CA5A: variants seen among roughly 807,000 people sequenced by gnomAD.
CA5A encodes the protein carbonic anhydrase 5A, also known as carbonic anhydrase 5A, mitochondrial.
CA5A carries 28 observed loss-of-function variants against 37.1 expected under a neutral mutation model. That is an observed-to-expected ratio of 0.75 (90% CI 0.56 to 1.03). The LOEUF is 1.03. Among genes scored for constraint, CA5A ranks in the 50% least tolerant of loss-of-function variants. CA5A has a pLI of 0.00. For missense variants in CA5A, 444 were observed against 399.9 expected (o/e 1.11, Z -0.94); for synonymous variants, 171 against 158.4 (o/e 1.08, Z -0.60).
chr16:87,903,500 T>C (rs143666161), intron 3 of CA5A, among the ~76,000 whole-genome samples: 6 of 152,304 alleles, frequency 3.9e-5, no homozygotes, highest in South Asian at 2.1e-4. Flanking sequence ...CAGATAGAGA[T>C]ACTAAAATAA....
At chr16:87,923,390 G>T (rs139170046) in intron 2 of CA5A, 84 of 214,420 alleles carry the variant, frequency 3.9e-4, no homozygotes, top group African/African-American at 1.8e-3. Context: ...GTTTCACCAT[G>T]TTGGCCAGGC....
chr16:87,921,582 T>G lies in CA5A; in HGVS notation c.340+5166A>C, dbSNP rs7202748. Among the ~76,000 whole-genome samples the G allele has an allele frequency of 1.5e-4, 22 of 151,458 alleles. No homozygotes were observed. The South Asian group carries it at 4.1e-3, about 28-fold the overall frequency. ...GCTGCAGCCAGTGACAGGGCTGTTCTGAGTGGCCACGCCCAGGTCCCCACC... is the reference window on the plus strand; with the variant it reads ...GCTGCAGCCAGTGACAGGGCTGTTCGGAGTGGCCACGCCCAGGTCCCCACC... On this transcript the variant is annotated intron_variant, in intron 2 of 6. Coordinates refer to ENST00000649794, the MANE Select transcript of CA5A (RefSeq NM_001739.2).
intron 2 of CA5A, among the ~76,000 whole-genome samples, chr16:87,926,221 T>TATGAA (rs1555523846): frequency 1.3e-5 from 2 of 150,490 alleles, no homozygotes; most frequent in Admixed American, 6.7e-5. Flanking sequence ...TCTGTCTCAA[T>TATGAA]ATAAAATAAA....
At chr16:87,922,739 G>C (rs1489084580) in intron 2 of CA5A, among the ~76,000 whole-genome samples, 4 of 152,230 alleles carry the variant, frequency 2.6e-5, no homozygotes, top group African/African-American at 9.7e-5. Context: ...CCAGGGTGCT[G>C]GTGCTTCCTT....
In CA5A at chr16:87,927,210, G is replaced by A. The variant is rs553063850; in HGVS notation, c.143-265C>T. On this transcript the variant is annotated intron_variant, in intron 1 of 6. Coordinates refer to ENST00000649794, the MANE Select transcript of CA5A (RefSeq NM_001739.2). ...CTGGGCCCATGCCACCTGTGTTGATGGGTTTTTGACTTTTGTGTTGCCCTC... is the reference window on the plus strand; with the variant it reads ...CTGGGCCCATGCCACCTGTGTTGATAGGTTTTTGACTTTTGTGTTGCCCTC... Among the ~76,000 whole-genome samples the A allele has an allele frequency of 7.2e-5, 11 of 152,374 alleles. No individual in the cohort carries two copies. In the South Asian group the frequency reaches 2.1e-3, roughly 29 times the overall value.
At chr16:87,895,358 C>T (rs2055786575) in intron 5 of CA5A, among the ~76,000 whole-genome samples, 1 of 152,160 alleles carries the variant, frequency 6.6e-6, no homozygotes, top group Admixed American at 6.5e-5. Context: ...CCAGCCTGAC[C>T]AACATGGCGA....
Position 87,907,610 on chromosome 16 carries a change from C to A in CA5A, c.341-2706G>T, listed in dbSNP as rs554626201. 9.8e-5 allele frequency among the ~76,000 whole-genome samples: 15 copies of A among 152,302 alleles called. No homozygotes were observed. The South Asian group carries it at 1.2e-3, about 13-fold the overall frequency. ...TTTGTAAGACTGAGTTAAGTCCCAT[C>A]CAGTTGCACTCTTAGAGCAGAGGCT... is the stretch of plus-strand genomic sequence containing the variant. On this transcript the variant is annotated intron_variant, in intron 2 of 6. Transcript: ENST00000649794.
At chr16:87,932,968 G>A (rs1014629264) in intron 1 of CA5A, among the ~76,000 whole-genome samples, 4 of 152,178 alleles carry the variant, frequency 2.6e-5, no homozygotes, top group East Asian at 1.9e-4. Context: ...CGCTGGCCTC[G>A]CCCTGTGAGT....
intron 5 of CA5A, among the ~76,000 whole-genome samples, chr16:87,897,256 G>C (rs1020659519): frequency 4.6e-5 from 7 of 152,294 alleles, no homozygotes; most frequent in African/African-American, 1.2e-4. Flanking sequence ...CTGTTGCGAA[G>C]GCAGGGAGGA....
At chr16:87,901,184 C>T (rs112241870) in intron 5 of CA5A, among the ~76,000 whole-genome samples, 6 of 152,280 alleles carry the variant, frequency 3.9e-5, no homozygotes, top group Admixed American at 3.3e-4. Context: ...GAGCCAAGAT[C>T]GCGCCACTGC....
chr16:87,925,843 C>CT (rs1248752946), intron 2 of CA5A, among the ~76,000 whole-genome samples: 1 of 151,630 alleles, frequency 6.6e-6, no homozygotes, highest in African/African-American at 2.4e-5. Context: ...CCACCTGCAT[C>CT]TCCCCGGACT....
At chr16:87,925,677 G>C (rs1424643405) in intron 2 of CA5A, 2 of 152,212 alleles carry the variant, frequency 1.3e-5, no homozygotes. Context: ...CCATACCTCA[G>C]AGCATCTGCC....
At chr16:87,921,748 C>A (rs4074725) in intron 2 of CA5A, among the ~76,000 whole-genome samples, 1 of 151,994 alleles carries the variant, frequency 6.6e-6, no homozygotes, top group Non-Finnish European at 1.5e-5. Context: ...CACGGACTGG[C>A]GGGATCAGCG....
chr16:87,928,793 GA>G (rs2056354486), intron 1 of CA5A, among the ~76,000 whole-genome samples: 1 of 127,008 alleles, frequency 7.9e-6, no homozygotes, highest in South Asian at 2.6e-4. Flanking sequence ...TTTTGAGACG[GA>G]GTCTCACTCG....
chr16:87,931,066 C>G (rs990982451), intron 1 of CA5A, among the ~76,000 whole-genome samples: 1 of 150,588 alleles, frequency 6.6e-6, no homozygotes, highest in African/African-American at 2.4e-5. Flanking sequence ...GATAGAAATA[C>G]AGATGTTCAG....
intron 2 of CA5A, 61 bp downstream of exon 2, chr16:87,926,687 T>C (rs1189093201): frequency 9.5e-6 from 13 of 1,367,492 alleles, no homozygotes; most frequent in Non-Finnish European, 1.1e-5. Context: ...CGCGAAGCTC[T>C]TGACCCTGCT....
intron 1 of CA5A, among the ~76,000 whole-genome samples, chr16:87,932,535 C>G (rs2056421693): frequency 6.6e-6 from 1 of 152,204 alleles, no homozygotes; most frequent in Admixed American, 6.5e-5. Context: ...CACAGCCGAC[C>G]CTGGTGCCCA....
chr16:87,910,094 AAC>A (rs1211858379), intron 2 of CA5A, among the ~76,000 whole-genome samples: 3 of 152,192 alleles, frequency 2.0e-5, no homozygotes, highest in Admixed American at 6.5e-5. Flanking sequence ...AAAACAAACA[AAC>A]AAACAAAAAA....
At chr16:87,935,083 G>T (rs544868083) in intron 1 of CA5A, among the ~76,000 whole-genome samples, 1 of 152,376 alleles carries the variant, frequency 6.6e-6, no homozygotes, top group South Asian at 2.1e-4. Flanking sequence ...CAGAGGCTTG[G>T]GGGTGAAGAC....
Sources: allele counts gnomAD v4.1 joint callset (sites outside exome capture counted in the v4.1 genomes callset), GRCh38; gene constraint gnomAD v4.1.1; transcripts MANE v1.5; gene names NCBI Gene and HGNC (gene_info 2026-07-23, HGNC 2026-07-21).